MYSM1: variants seen among roughly 807,000 people sequenced by gnomAD.
MYSM1 encodes the protein deubiquitinase MYSM1.
In MYSM1, 51 loss-of-function variants were observed where a neutral mutation model predicts 116.0. That is an observed-to-expected ratio of 0.44 (90% CI 0.35 to 0.56). The LOEUF (loss-of-function observed/expected upper bound fraction) is 0.56. Ranked by LOEUF, MYSM1 falls within the 20% of genes least tolerant of loss-of-function variation. The probability of loss-of-function intolerance (pLI) is 0.00; values close to 1 mark genes in which losing one functional copy is unlikely to be tolerated. For synonymous variants in MYSM1, 313 were observed against 315.2 expected, an observed-to-expected ratio of 0.99 and a Z score of 0.07; for missense variants, 900 against 974.9, an observed-to-expected ratio of 0.92 and a Z score of 1.02.
At chr1:58,680,399 G>A (rs1252780607) in intron 8 of MYSM1, among the ~76,000 whole-genome samples, 1 of 152,160 alleles carries the variant, frequency 6.6e-6, no homozygotes, top group African/African-American at 2.4e-5. Flanking sequence ...AGATGATGTA[G>A]CAAAGCTCTT....
In MYSM1 at chr1:58,695,121, ATACT is replaced by A. The variant is rs1291711544; in HGVS notation, c.147+4_147+7del. 6.5e-7 allele frequency: 1 copy of A among 1,550,062 alleles called. No individual in the cohort carries two copies. Among genetic ancestry groups the A allele is most frequent in the South Asian group, 1.1e-5 (1 of 89,136 alleles). ...TTAATGCACCTGATATTTTTATAAA[ATACT>A]TACAATAAGGCCATTCTCTGTTCTC... On this transcript the variant is annotated splice_donor_5th_base_variant and intron_variant, in intron 2 of 19. Coordinates refer to ENST00000472487, the MANE Select transcript of MYSM1 (RefSeq NM_001085487.3).
intron 14 of MYSM1, 151 bp downstream of exon 14, chr1:58,668,481 C>G (rs1644507110): frequency 2.2e-6 from 3 of 1,357,554 alleles, no homozygotes. Flanking sequence ...TGGCTTTTCT[C>G]CAAAAGAAAA....
intron 15 of MYSM1, 149 bp from the exon 16 acceptor site, chr1:58,667,375 T>TAA: frequency 1.9e-6 from 1 of 529,052 alleles, no homozygotes; most frequent in Non-Finnish European, 3.1e-6. Flanking sequence ...GCAAATGACT[T>TAA]AAACTCCAAA....
Position 58,672,135 on chromosome 1 carries a change from G to GT in MYSM1, c.1573-178dup, listed in dbSNP as rs765027568. 7.4e-4 allele frequency among the ~76,000 whole-genome samples: 112 copies of GT among 152,238 alleles called. 1 individual carries two copies. Among genetic ancestry groups the GT allele is most frequent in the Middle Eastern group, 6.8e-3 (2 of 294 alleles). On this transcript the variant is annotated intron_variant, in intron 11 of 19. Transcript: ENST00000472487. ...GACTGGACAGTATTTTTAAAAAATT[G>GT]TTTCAAAAGACACGGCCATCCCAAA...
chr1:58,657,679 G>A lies in MYSM1; in HGVS notation c.*2318C>T, dbSNP rs1425466169. On this transcript the variant is annotated 3_prime_UTR_variant, in exon 20 of 20. Transcript: ENST00000472487. ...GTGTTTTTTTAAATAGTAGCACTGA[G>A]ATATTTGTACTTCACACTTCTCTGT... 6.6e-6 allele frequency: 1 copy of A among 152,106 alleles called. No homozygotes were observed. Among genetic ancestry groups the A allele is most frequent in the Non-Finnish European group, 1.5e-5 (1 of 68,034 alleles). 9.4% of individuals were successfully genotyped at this position (152,106 alleles called of 1,614,324 possible).
At chr1:58,662,489 C>T (rs746880737) in intron 17 of MYSM1, among the ~76,000 whole-genome samples, 24 of 143,100 alleles carry the variant, frequency 1.7e-4, no homozygotes, top group Non-Finnish European at 1.1e-4. Context: ...GAGGACACTA[C>T]GTCATAGAAA....
At chr1:58,693,021 ATT>A (rs1644924321) in intron 2 of MYSM1, 90 bp from the exon 3 acceptor site, 1 of 1,013,862 alleles carries the variant, frequency 9.9e-7, no homozygotes, top group African/African-American at 1.6e-5. Flanking sequence ...TGTTATAATG[ATT>A]ATAAATGACA....
chr1:58,673,795 C>T (rs1644601678), intron 10 of MYSM1, 145 bp from the exon 11 acceptor site: 1 of 648,980 alleles, frequency 1.5e-6, no homozygotes, highest in Non-Finnish European at 2.6e-6. Flanking sequence ...CAATGACTGA[C>T]TAAACTTTAT....
At chr1:58,688,407 G>A (rs1644858712) in intron 6 of MYSM1, among the ~76,000 whole-genome samples, 1 of 150,262 alleles carries the variant, frequency 6.7e-6, no homozygotes, top group East Asian at 1.9e-4. Flanking sequence ...AACTAATCTT[G>A]ATAGTAAAAA....
chr1:58,660,512 T>C (rs138961903), intron 19 of MYSM1, among the ~76,000 whole-genome samples: 10 of 152,072 alleles, frequency 6.6e-5, no homozygotes, highest in Non-Finnish European at 1.3e-4. Flanking sequence ...TCTAGGTACA[T>C]AAAAACATAG....
chr1:58,691,412 A>T (rs1253733669), intron 3 of MYSM1, among the ~76,000 whole-genome samples: 1 of 152,228 alleles, frequency 6.6e-6, no homozygotes, highest in East Asian at 1.9e-4. Flanking sequence ...ATAGATGCTG[A>T]GAACAAAGAT....
chr1:58,698,084 C>CTCTATATATA (rs1443443579), intron 1 of MYSM1, among the ~76,000 whole-genome samples: 3 of 31,406 alleles, frequency 9.6e-5, no homozygotes, highest in African/African-American at 3.8e-4. Context: ...ATTTATCAGA[C>CTCTATATATA]TATATATATA....
rs1644301844 is a variant in MYSM1 at position 58,655,045 on chromosome 1, G to A, written c.*4952C>T. 6.6e-6 allele frequency: 1 copy of A among 151,964 alleles called. No individual in the cohort carries two copies. The highest frequency in any genetic ancestry group is 2.4e-5 in the African/African-American group (1 of 41,378). 9.4% of individuals were successfully genotyped at this position (151,964 alleles called of 1,614,324 possible). On this transcript the variant is annotated 3_prime_UTR_variant, in exon 20 of 20. Coordinates refer to ENST00000472487, the MANE Select transcript of MYSM1 (RefSeq NM_001085487.3). ...AAGTCCACAAACACTGATAGCATTT[G>A]GAAAAAAATAGCAACAAGTTTATCA...
intron 19 of MYSM1, among the ~76,000 whole-genome samples, chr1:58,660,480 T>C (rs540025531): frequency 1.1e-4 from 17 of 152,162 alleles, no homozygotes; most frequent in African/African-American, 3.9e-4. Context: ...AAAATAATCC[T>C]GAGTATACAC....
At chr1:58,681,409 C>A (rs6700413) in intron 8 of MYSM1, among the ~76,000 whole-genome samples, 30,416 of 152,132 alleles carry the variant, frequency 0.2, 3,181 homozygotes, top group South Asian at 0.28. Context: ...ACATTTAATA[C>A]TACTGCTGTC....
Position 58,661,423 on chromosome 1 carries a change from T to C in MYSM1, c.2253A>G (p.Lys751=). 6.3e-7 allele frequency: 1 copy of C among 1,586,966 alleles called. No individual in the cohort carries two copies. Residue 751 remains lysine, a synonymous_variant, in exon 18 of 20, where the codon AAA becomes AAG. Transcript: ENST00000472487. Reference sequence around the variant, plus strand: ...GTACATACCTATGGGAGAGCCTGTATTTTTCTATTATCCATCTTGTCTTTT... The same window carrying C: ...GTACATACCTATGGGAGAGCCTGTACTTTTCTATTATCCATCTTGTCTTTT... The part of the protein sequence containing the change: ...VFEKTRWIIE[K]YRLSHSSVPM...
At chr1:58,688,893 TTACTC>T (rs1451544165) in intron 6 of MYSM1, 140 bp downstream of exon 6, 4 of 657,838 alleles carry the variant, frequency 6.1e-6, no homozygotes, top group Non-Finnish European at 1.0e-5. Context: ...ATAAACATCA[TTACTC>T]TAACTACAGA....
intron 1 of MYSM1, among the ~76,000 whole-genome samples, chr1:58,697,858 G>T (rs374183089): frequency 4.6e-5 from 7 of 151,068 alleles, no homozygotes; most frequent in African/African-American, 1.7e-4. Context: ...CAAAGTGCTG[G>T]GATTACAGGC....
intron 1 of MYSM1, among the ~76,000 whole-genome samples, chr1:58,698,096 A>ATTTTTTTTT (rs1290483031): frequency 3.7e-5 from 1 of 27,038 alleles, no homozygotes; most frequent in Non-Finnish European, 8.3e-5. Context: ...ATATATATAT[A>ATTTTTTTTT]TATATATTTT....
Sources: gnomAD v4.1 joint callset for allele counts (sites outside exome capture counted in the v4.1 genomes callset) on GRCh38, gnomAD v4.1.1 for gene constraint, MANE v1.5 for transcripts, NCBI Gene and HGNC (gene_info 2026-07-23, HGNC 2026-07-21) for gene names.